GRID1: variants seen among roughly 807,000 people sequenced by gnomAD.
The protein encoded by GRID1 is glutamate ionotropic receptor delta type subunit 1.
Under a neutral mutation model 98.0 loss-of-function variants are expected in GRID1, and 28 were observed. That is an observed-to-expected ratio of 0.29 (90% confidence interval 0.21 to 0.39). The LOEUF (loss-of-function observed/expected upper bound fraction) is 0.39. GRID1 is among the 10% of genes least tolerant of loss of function. The pLI is 1.00. For synonymous variants in GRID1, 553 were observed against 538.5 expected (o/e 1.03, Z -0.37); for missense variants, 1,111 against 1,340.5 (o/e 0.83, Z 2.67).
chr10:86,030,849 T>G (rs989299192), intron 4 of GRID1, among the ~76,000 whole-genome samples: 2 of 152,174 alleles, frequency 1.3e-5, no homozygotes, highest in African/African-American at 4.8e-5. Flanking sequence ...GCTGGGAGCT[T>G]GCACAGGTGA....
intron 2 of GRID1, among the ~76,000 whole-genome samples, chr10:86,229,046 C>T (rs976515813): frequency 1.3e-5 from 2 of 152,158 alleles, no homozygotes; most frequent in East Asian, 3.9e-4. Flanking sequence ...CAGAGTGGGG[C>T]TCCGTGCCCT....
rs890712688 is a variant in GRID1, at chr10:85,770,108, G to A, written c.1234-40494C>T. Among the ~76,000 whole-genome samples, 6 of 152,162 alleles carry A rather than the reference G, an allele frequency of 3.9e-5. No homozygotes were observed. In the East Asian group the frequency reaches 7.7e-4, roughly 20 times the overall value. The stretch of plus-strand genomic sequence containing the variant: ...GGGCAGACTGACACCTCACACGGCC[G>A]GGTACTCCTCTGAAACAAAACTTCC... On this transcript the variant is annotated intron_variant, in intron 8 of 15. Coordinates refer to ENST00000327946, the MANE Select transcript of GRID1 (RefSeq NM_017551.3).
chr10:86,040,925 T>A (rs1467833151), intron 4 of GRID1, among the ~76,000 whole-genome samples: 1 of 152,122 alleles, frequency 6.6e-6, no homozygotes, highest in Non-Finnish European at 1.5e-5. Context: ...AAGATCCAAG[T>A]GCTCAGCAGC....
At chr10:86,269,591 G>A (rs1019802357) in intron 2 of GRID1, among the ~76,000 whole-genome samples, 5 of 152,152 alleles carry the variant, frequency 3.3e-5, no homozygotes, top group Admixed American at 6.5e-5. Flanking sequence ...TCTTGGCCTC[G>A]GCCTCTTGCC....
chr10:86,149,238 T>C (rs1845128739), intron 3 of GRID1, among the ~76,000 whole-genome samples: 1 of 152,086 alleles, frequency 6.6e-6, no homozygotes, highest in Non-Finnish European at 1.5e-5. Flanking sequence ...AGGTCTGTCA[T>C]TGAAAACTCT....
intron 4 of GRID1, among the ~76,000 whole-genome samples, chr10:85,917,895 A>C (rs1248505984): frequency 6.6e-6 from 1 of 152,236 alleles, no homozygotes; most frequent in South Asian, 2.1e-4. Flanking sequence ...CAGTCAGGAT[A>C]GAGAAAGGAG....
At position 85,608,906 on chromosome 10, in the gene GRID1, A is replaced by T. The variant is rs188372875; in HGVS notation, c.2601+4501T>A. Reference sequence around the variant, plus strand: ...CATGCTAAGCCATTTGCTCCTGAGCATAGTTCTCAGGCCAGGCTGTTTCCA... The same window carrying T: ...CATGCTAAGCCATTTGCTCCTGAGCTTAGTTCTCAGGCCAGGCTGTTTCCA... On this transcript the variant is annotated intron_variant, in intron 15 of 15. Transcript: ENST00000327946. Among the ~76,000 whole-genome samples the T allele has an allele frequency of 1.7e-3, 263 of 152,324 alleles. 1 individual carries two copies. The highest frequency in any genetic ancestry group is 2.4e-3 in the Non-Finnish European group (165 of 68,034).
intron 3 of GRID1, among the ~76,000 whole-genome samples, chr10:86,159,915 G>A (rs1434335987): frequency 6.6e-6 from 1 of 152,102 alleles, no homozygotes; most frequent in African/African-American, 2.4e-5. Context: ...GGTAAGAGCT[G>A]AACTAGCTCT....
At chr10:85,616,780 G>T (rs1842794510) in intron 14 of GRID1, among the ~76,000 whole-genome samples, 1 of 152,202 alleles carries the variant, frequency 6.6e-6, no homozygotes, top group African/African-American at 2.4e-5. Context: ...AAGCCAGAGG[G>T]ATAATAGCCA....
intron 3 of GRID1, among the ~76,000 whole-genome samples, chr10:86,185,483 T>G (rs1564700657): frequency 6.6e-6 from 1 of 152,170 alleles, no homozygotes; most frequent in Non-Finnish European, 1.5e-5. Context: ...CCTAATTTTC[T>G]GGCTAAAACC....
Position 86,366,465 on chromosome 10 carries a change from G to T in GRID1, c.-73C>A, listed in dbSNP as rs1589465352. ...GGGCAGCGCGAAGCGGGGAGGCGCT[G>T]GTCCCGGTGCAGTCCCGGGCCGCTC... On this transcript the variant is annotated 5_prime_UTR_variant, in exon 1 of 16. Coordinates refer to ENST00000327946, the MANE Select transcript of GRID1 (RefSeq NM_017551.3). This position sits in a 1 kb window ranked among gnomAD's most constrained non-coding sequence, Gnocchi z 4.1. The T allele has an allele frequency of 1.8e-6, 2 of 1,136,780 alleles. No homozygotes were observed. The highest frequency in any genetic ancestry group is 2.4e-6 in the Non-Finnish European group (2 of 828,338). 70.4% of individuals were successfully genotyped at this position (1,136,780 alleles called of 1,614,324 possible).
At chr10:85,899,015 T>A (rs1054580016) in intron 5 of GRID1, among the ~76,000 whole-genome samples, 1 of 152,210 alleles carries the variant, frequency 6.6e-6, no homozygotes, top group African/African-American at 2.4e-5. Context: ...AGTAATGTAC[T>A]GCACTATGAC....
chr10:86,029,220 C>A (rs929965725), intron 4 of GRID1, among the ~76,000 whole-genome samples: 8 of 152,208 alleles, frequency 5.3e-5, no homozygotes, highest in African/African-American at 1.7e-4. Flanking sequence ...GTCATTGTAG[C>A]AAATGGTCTC....
chr10:86,159,111 G>A (rs1845285669), intron 3 of GRID1, among the ~76,000 whole-genome samples: 1 of 152,146 alleles, frequency 6.6e-6, no homozygotes, highest in Non-Finnish European at 1.5e-5. Context: ...AGTCAGGATG[G>A]TCTCAATCTC....
chr10:86,353,587 C>G (rs1048421620), intron 2 of GRID1, among the ~76,000 whole-genome samples: 1 of 152,258 alleles, frequency 6.6e-6, no homozygotes, highest in Admixed American at 6.5e-5. Context: ...ATCAGGTGCA[C>G]AGTAGATATG....
intron 8 of GRID1, among the ~76,000 whole-genome samples, chr10:85,746,023 C>T (rs1351012737): frequency 3.3e-5 from 5 of 152,306 alleles, no homozygotes; most frequent in South Asian, 2.1e-4. Flanking sequence ...TCACTATGTG[C>T]TTTCCAACTA....
intron 4 of GRID1, among the ~76,000 whole-genome samples, chr10:85,925,580 A>C (rs1250759068): frequency 6.6e-6 from 1 of 152,208 alleles, no homozygotes; most frequent in African/African-American, 2.4e-5. Flanking sequence ...ATACAAGCAA[A>C]GTCCAAAACT....
intron 2 of GRID1, among the ~76,000 whole-genome samples, chr10:86,355,649 C>T (rs1848524726): frequency 6.6e-6 from 1 of 152,266 alleles, no homozygotes. Flanking sequence ...CTGGGTTCTC[C>T]TTTCTTCAAC....
chr10:85,821,516 CAAAAAAAAAAAAAAAA>C (rs1157209045), intron 8 of GRID1, among the ~76,000 whole-genome samples: 2 of 9,106 alleles, frequency 2.2e-4, no homozygotes, highest in Admixed American at 1.5e-3. Context: ...GACTTCATCT[CAAAAAAAAAAAAAAAA>C]AAAAAAAAAA....
Sources: gnomAD v4.1 joint callset for allele counts (sites outside exome capture counted in the v4.1 genomes callset) on GRCh38, gnomAD v4.1.1 for gene constraint, Gnocchi (gnomAD v3.1) non-coding constraint, MANE v1.5 for transcripts, NCBI Gene and HGNC (gene_info 2026-07-23, HGNC 2026-07-21) for gene names.